Variants in CAPN11 observed in about 807,000 individuals in gnomAD.
The protein encoded by CAPN11 is calpain 11.
A neutral mutation model predicts 105.3 loss-of-function variants in CAPN11; 108 were observed. That is an observed-to-expected ratio of 1.03 (90% confidence interval 0.88 to 1.20). The LOEUF (loss-of-function observed/expected upper bound fraction) is 1.20, where lower values mean the gene tolerates loss of function less well. Ranked by LOEUF, CAPN11 falls within the 50% of genes most tolerant of loss-of-function variation. The probability of loss-of-function intolerance (pLI) is 0.00; values close to 1 mark genes in which losing one functional copy is unlikely to be tolerated. For synonymous variants in CAPN11, 329 were observed against 344.5 expected (o/e 0.96, Z 0.50); for missense variants, 883 against 924.8 (o/e 0.95, Z 0.59).
At chr6:44,179,864 C>A in intron 13 of CAPN11, 88 bp from the exon 14 acceptor site, 1 of 1,116,288 alleles carries the variant, frequency 9.0e-7, no homozygotes, top group South Asian at 1.3e-5. Flanking sequence ...CTACCTCCAA[C>A]CCTGCCCGGC....
chr6:44,169,669 G>T, intron 3 of CAPN11, 138 bp downstream of exon 3: 1 of 1,006,384 alleles, frequency 9.9e-7, no homozygotes, highest in Non-Finnish European at 1.4e-6. Context: ...CTTCATCAGA[G>T]CTGGGGACAG....
intron 19 of CAPN11, among the ~76,000 whole-genome samples, chr6:44,182,160 CCACACT>C (rs1359218356): frequency 4.0e-5 from 1 of 25,006 alleles, no homozygotes; most frequent in Non-Finnish European, 1.0e-4. Flanking sequence ...CACAACCACA[CCACACT>C]CACACACACA....
Position 44,180,953 on chromosome 6 carries a change from G to A in CAPN11, c.1825G>A (p.Gly609Ser). ...AIKFKSFKTK[G>S]FGLDACRCMI... ...CACAGTCAAAAGCTTCAAGACCAAG[G>A]GCTTTGGCCTGGATGCTTGCCGCTG... is the stretch of plus-strand genomic sequence containing the variant. Residue 609 changes from glycine (G) to serine (S), a missense_variant, in exon 18 of 23, where the codon GGC becomes AGC. Physicochemically the swap from Gly to Ser is moderately conservative, Grantham distance 56. Transcript: ENST00000398776. 2 of 1,613,584 alleles carry A rather than the reference G, an allele frequency of 1.2e-6. No homozygotes were observed. Among genetic ancestry groups the A allele is most frequent in the Non-Finnish European group, 1.7e-6 (2 of 1,179,704 alleles).
At chr6:44,167,973 G>C (rs998149280) in intron 2 of CAPN11, among the ~76,000 whole-genome samples, 2 of 151,624 alleles carry the variant, frequency 1.3e-5, no homozygotes, top group African/African-American at 4.8e-5. Context: ...TTCCAGCTGG[G>C]TGTGGTGGGA....
At chr6:44,159,499 C>G (rs975705551) in intron 1 of CAPN11, among the ~76,000 whole-genome samples, 1 of 152,016 alleles carries the variant, frequency 6.6e-6, no homozygotes, top group African/African-American at 2.4e-5. Context: ...GTACCTCACC[C>G]TCAGCCTGGG....
At position 44,176,238 on chromosome 6, in the gene CAPN11, C is replaced by T. The variant is rs779481911; in HGVS notation, c.916-15C>T. On this transcript the variant is annotated splice_polypyrimidine_tract_variant and intron_variant, in intron 8 of 22. Coordinates refer to ENST00000398776, the MANE Select transcript of CAPN11 (RefSeq NM_007058.4). ...ACCCCATAACTCTGACCTTTAACCA[C>T]CCCCGCCCACCCAGGTCCACTACAG... is the stretch of plus-strand genomic sequence containing the variant. 6.2e-7 allele frequency: 1 copy of T among 1,612,284 alleles called. No homozygotes were observed. The highest frequency in any genetic ancestry group is 1.1e-5 in the South Asian group (1 of 91,042).
rs200526960 is a variant in CAPN11 at position 44,183,190 on chromosome 6, T to G, written c.2089T>G (p.Phe697Val). 1.7e-4 allele frequency: 273 copies of G among 1,613,562 alleles called. 1 individual carries two copies. The highest frequency in any genetic ancestry group is 1.9e-4 in the Non-Finnish European group (226 of 1,179,528). ...TGCAGATGATGACCTGATCATAGAC[T>G]TTGACAGCTTCATCAGCTGTTTCCT... ...RYADDDLIIDFDSFISCFLRL... is the reference protein window; with the variant it reads ...RYADDDLIIDVDSFISCFLRL... The change falls in exon 21 of 23, where the codon TTT (phenylalanine) becomes GTT (valine). Residue 697 changes from phenylalanine to valine, a missense_variant. Transcript: ENST00000398776.
intron 12 of CAPN11, among the ~76,000 whole-genome samples, chr6:44,178,293 G>A (rs1389552515): frequency 1.3e-5 from 2 of 152,026 alleles, no homozygotes; most frequent in African/African-American, 2.4e-5. Context: ...ATTCCCAGGC[G>A]CTCTGAGACT....
chr6:44,162,247 G>A (rs1316379235), intron 1 of CAPN11, among the ~76,000 whole-genome samples: 1 of 152,012 alleles, frequency 6.6e-6, no homozygotes, highest in Non-Finnish European at 1.5e-5. Flanking sequence ...GAAACAGAAG[G>A]TGTTCAGCTC....
At chr6:44,173,419 T>G (rs1771352247) in intron 7 of CAPN11, 33 bp downstream of exon 7, 3 of 1,420,752 alleles carry the variant, frequency 2.1e-6, no homozygotes, top group Non-Finnish European at 2.9e-6. Flanking sequence ...TCAGGGCCTT[T>G]GCACCTGCTG....
At chr6:44,169,246 T>C (rs769907547) in intron 2 of CAPN11, 35 bp from the exon 3 acceptor site, 5 of 1,574,884 alleles carry the variant, frequency 3.2e-6, no homozygotes, top group South Asian at 1.2e-5. Flanking sequence ...TTACATTTTT[T>C]ACTTGCGTTA....
At chr6:44,160,215 T>C (rs1455569672) in intron 1 of CAPN11, among the ~76,000 whole-genome samples, 1 of 152,208 alleles carries the variant, frequency 6.6e-6, no homozygotes, top group Non-Finnish European at 1.5e-5. Context: ...GTAATGCAGA[T>C]ATTAATTAGC....
chr6:44,165,500 G>T (rs11754636), intron 1 of CAPN11, among the ~76,000 whole-genome samples: 9 of 152,184 alleles, frequency 5.9e-5, no homozygotes, highest in Non-Finnish European at 1.3e-4. Context: ...AGCCCCTATC[G>T]CGGGCTGTGT....
chr6:44,173,454 C>T (rs1161919402), intron 7 of CAPN11, 68 bp downstream of exon 7: 2 of 1,018,756 alleles, frequency 2.0e-6, no homozygotes, highest in Non-Finnish European at 2.9e-6. Flanking sequence ...AAGGCTCTTC[C>T]CCCAGTATCT....
intron 3 of CAPN11, 26 bp downstream of exon 3, chr6:44,169,557 C>T (rs1017417691): frequency 6.6e-7 from 1 of 1,524,938 alleles, no homozygotes; most frequent in Admixed American, 2.2e-5. Flanking sequence ...GAGGCATGGA[C>T]TCATGGATGG....
At position 44,180,513 on chromosome 6, in the gene CAPN11, G is replaced by C. The variant is rs778641640; in HGVS notation, c.1680+14G>C. ...CAACTCCAAGAGGTGAGGGGAGACTGTAGGGCTGGGGGTTGGAAGGAAGCT... is the reference window on the plus strand; with the variant it reads ...CAACTCCAAGAGGTGAGGGGAGACTCTAGGGCTGGGGGTTGGAAGGAAGCT... On this transcript the variant is annotated intron_variant, in intron 15 of 22. Transcript: ENST00000398776. 1 of 1,613,858 alleles carries C rather than the reference G, an allele frequency of 6.2e-7. No homozygotes were observed. Among genetic ancestry groups the C allele is most frequent in the Admixed American group, 1.7e-5 (1 of 60,006 alleles).
At chr6:44,173,587 T>TA (rs1771416537) in intron 7 of CAPN11, among the ~76,000 whole-genome samples, 1 of 145,466 alleles carries the variant, frequency 6.9e-6, no homozygotes. Context: ...TTTGTTTGTT[T>TA]GTTTTGTTTT....
intron 4 of CAPN11, among the ~76,000 whole-genome samples, chr6:44,171,981 G>A (rs952562172): frequency 1.3e-5 from 2 of 152,152 alleles, no homozygotes; most frequent in African/African-American, 2.4e-5. Context: ...CAGGAGAATC[G>A]CTCGAACCCA....
intron 7 of CAPN11, among the ~76,000 whole-genome samples, chr6:44,175,652 CT>C (rs1220997603): frequency 6.6e-6 from 1 of 152,072 alleles, no homozygotes; most frequent in African/African-American, 2.4e-5. Flanking sequence ...TGGCGGGCGC[CT>C]GTAATCCCAG....
Sources: allele counts gnomAD v4.1 joint callset (sites outside exome capture counted in the v4.1 genomes callset), GRCh38; gene constraint gnomAD v4.1.1; transcripts MANE v1.5; gene names NCBI Gene and HGNC (gene_info 2026-07-23, HGNC 2026-07-21).